The following IMMP1L variants were observed in gnomAD, a reference collection of about 807,000 sequenced individuals.
IMMP1L encodes mitochondrial inner membrane protease subunit 1.
IMMP1L carries 24 observed loss-of-function variants against 21.8 expected under a neutral mutation model. The ratio of observed to expected loss-of-function variants is 1.10; its 90% CI spans 0.80 to 1.55. IMMP1L has a LOEUF of 1.55. Among genes scored for constraint, IMMP1L ranks in the 40% most tolerant of loss-of-function variants. The probability of loss-of-function intolerance (pLI) is 0.00; values close to 1 mark genes in which losing one functional copy is unlikely to be tolerated. For synonymous variants in IMMP1L, 46 were observed against 62.8 expected (o/e 0.73, Z 1.26); for missense variants, 195 against 200.7 (o/e 0.97, Z 0.17).
At chr11:31,464,572 T>G (rs1480702763) in intron 1 of IMMP1L, among the ~76,000 whole-genome samples, 1 of 151,954 alleles carries the variant, frequency 6.6e-6, no homozygotes. Flanking sequence ...AACAACGCAT[T>G]AAAGAGATAA....
chr11:31,433,176 G>A (rs1274831405), intron 5 of IMMP1L, among the ~76,000 whole-genome samples: 1 of 152,130 alleles, frequency 6.6e-6, no homozygotes, highest in Non-Finnish European at 1.5e-5. Flanking sequence ...TGTGAACATG[G>A]TTTTAAGAGT....
intron 4 of IMMP1L, among the ~76,000 whole-genome samples, chr11:31,437,758 G>A (rs1190934316): frequency 2.0e-5 from 3 of 151,830 alleles, no homozygotes; most frequent in African/African-American, 7.3e-5. Context: ...AGTTCCTATC[G>A]CCATGCCTAG....
chr11:31,504,941 A>G (rs1410561110), intron 1 of IMMP1L, among the ~76,000 whole-genome samples: 1 of 152,208 alleles, frequency 6.6e-6, no homozygotes, highest in Non-Finnish European at 1.5e-5. Flanking sequence ...GACAGGAAGG[A>G]GGCAAAAAAG....
At chr11:31,464,396 A>G (rs1174716455) in intron 1 of IMMP1L, among the ~76,000 whole-genome samples, 2 of 152,118 alleles carry the variant, frequency 1.3e-5, no homozygotes, top group African/African-American at 4.8e-5. Flanking sequence ...TTCTTCTCAA[A>G]CTATTCCAAA....
At chr11:31,485,239 ATC>A (rs529772650) in intron 1 of IMMP1L, among the ~76,000 whole-genome samples, 142 of 151,982 alleles carry the variant, frequency 9.3e-4, no homozygotes, top group Admixed American at 1.6e-3. Flanking sequence ...AGGTAGTATC[ATC>A]TAATGTATTA....
chr11:31,508,386 C>A (rs912560333), intron 1 of IMMP1L, among the ~76,000 whole-genome samples: 5 of 152,152 alleles, frequency 3.3e-5, no homozygotes, highest in African/African-American at 1.2e-4. Context: ...TAAGTCCAAA[C>A]AGACAGTAAT....
chr11:31,474,929 C>T (rs1239541477), intron 1 of IMMP1L, among the ~76,000 whole-genome samples: 1 of 152,046 alleles, frequency 6.6e-6, no homozygotes, highest in Non-Finnish European at 1.5e-5. Context: ...TCTGGGAACC[C>T]GGCTGCAGAT....
intron 4 of IMMP1L, among the ~76,000 whole-genome samples, chr11:31,446,597 CCTA>C (rs1171746739): frequency 6.6e-6 from 1 of 152,160 alleles, no homozygotes; most frequent in Non-Finnish European, 1.5e-5. Context: ...ACTCATCCCT[CCTA>C]CTACATGTGC....
intron 2 of IMMP1L, among the ~76,000 whole-genome samples, chr11:31,461,109 G>A (rs906762685): frequency 2.0e-5 from 3 of 152,122 alleles, no homozygotes; most frequent in Admixed American, 6.5e-5. Flanking sequence ...ATGAATGGGA[G>A]AATAATACAT....
At chr11:31,505,149 T>C (rs1432039268) in intron 1 of IMMP1L, among the ~76,000 whole-genome samples, 1 of 152,210 alleles carries the variant, frequency 6.6e-6, no homozygotes, top group East Asian at 1.9e-4. Flanking sequence ...TGAAGAGGTG[T>C]CCACTTGTAT....
At chr11:31,499,005 C>A (rs1955536134) in intron 1 of IMMP1L, among the ~76,000 whole-genome samples, 1 of 152,092 alleles carries the variant, frequency 6.6e-6, no homozygotes, top group African/African-American at 2.4e-5. Flanking sequence ...TCTTTTGATT[C>A]AAATATCATG....
chr11:31,482,239 A>G lies in IMMP1L; in HGVS notation c.-29-18934T>C, dbSNP rs544588459. On this transcript the variant is annotated intron_variant, in intron 1 of 5. Transcript: ENST00000532287. ...ATATGTAAATACAGACTGAAATTTT[A>G]AATCTAAAGGTAAAGCAAAAATGCT... Among the ~76,000 whole-genome samples the G allele has an allele frequency of 4.4e-4, 67 of 152,250 alleles. No individual in the cohort carries two copies. In the South Asian group the frequency reaches 0.012, roughly 27 times the overall value.
intron 1 of IMMP1L, among the ~76,000 whole-genome samples, chr11:31,506,935 G>C (rs1217737831): frequency 6.6e-6 from 1 of 151,262 alleles, no homozygotes; most frequent in Non-Finnish European, 1.5e-5. Context: ...ACTCCAGCCT[G>C]GCAACAGAGC....
intron 1 of IMMP1L, among the ~76,000 whole-genome samples, chr11:31,500,015 A>T (rs1051475497): frequency 1.6e-4 from 24 of 152,116 alleles, no homozygotes; most frequent in African/African-American, 5.5e-4. Context: ...TTGGTCTCCA[A>T]GTATGGAGGT....
At chr11:31,444,955 C>G (rs1291399934) in intron 4 of IMMP1L, among the ~76,000 whole-genome samples, 1 of 152,196 alleles carries the variant, frequency 6.6e-6, no homozygotes, top group Non-Finnish European at 1.5e-5. Context: ...ATAGGCCTTT[C>G]TATCCATGCC....
intron 3 of IMMP1L, among the ~76,000 whole-genome samples, chr11:31,457,212 C>T (rs1317392984): frequency 6.6e-6 from 1 of 151,884 alleles, no homozygotes; most frequent in Non-Finnish European, 1.5e-5. Context: ...TAAATATACA[C>T]TCTGAAAAAT....
At chr11:31,496,129 A>C (rs1166318635) in intron 1 of IMMP1L, among the ~76,000 whole-genome samples, 2 of 152,096 alleles carry the variant, frequency 1.3e-5, no homozygotes, top group East Asian at 3.8e-4. Context: ...AAAAAAAAAA[A>C]ACAAAGCCAT....
At chr11:31,443,136 G>A (rs1953398034) in intron 4 of IMMP1L, among the ~76,000 whole-genome samples, 1 of 152,028 alleles carries the variant, frequency 6.6e-6, no homozygotes, top group Non-Finnish European at 1.5e-5. Context: ...GCTTAATCAT[G>A]ACTTATGTAA....
intron 4 of IMMP1L, among the ~76,000 whole-genome samples, chr11:31,435,443 T>TGCCAACA (rs1953086443): frequency 6.6e-6 from 1 of 152,222 alleles, no homozygotes; most frequent in Non-Finnish European, 1.5e-5. Flanking sequence ...CAACAGGCAG[T>TGCCAACA]AATGCCATGA....
Sources: gnomAD v4.1 joint callset for allele counts (sites outside exome capture counted in the v4.1 genomes callset) on GRCh38, gnomAD v4.1.1 for gene constraint, MANE v1.5 for transcripts, NCBI Gene and HGNC (gene_info 2026-07-23, HGNC 2026-07-21) for gene names.